The following FOXO3 variants were observed in gnomAD, a reference collection of about 807,000 sequenced individuals.
FOXO3 encodes the protein forkhead box O3.
Under a neutral mutation model 41.9 loss-of-function variants are expected in FOXO3, and 4 were observed. The observed-to-expected ratio is 0.10, with a 90% CI of 0.05 to 0.22. The LOEUF (loss-of-function observed/expected upper bound fraction) is 0.22, where lower values mean the gene tolerates loss of function less well. Among genes scored for constraint, FOXO3 ranks in the 10% least tolerant of loss-of-function variants. FOXO3 has a pLI of 1.00. For synonymous variants in FOXO3, 318 were observed against 389.3 expected, an observed-to-expected ratio of 0.82 and a Z score of 2.16; for missense variants, 534 against 906.8, an observed-to-expected ratio of 0.59 and a Z score of 5.28.
At position 108,664,071 on chromosome 6, in the gene FOXO3, G is replaced by T; in HGVS notation, c.1238G>T (p.Ser413Ile). 1.9e-6 allele frequency: 3 copies of T among 1,614,160 alleles called. No homozygotes were observed. Among genetic ancestry groups the T allele is most frequent in the Non-Finnish European group, 2.5e-6 (3 of 1,180,032 alleles). The change falls in exon 2 of 3, where the codon AGC becomes ATC. Residue 413 changes from serine to isoleucine, a missense_variant. Transcript: ENST00000406360. ...PTGGLMQRSS[S>I]FPYTTKGSGL... ...GGGGGACTCATGCAGCGGAGCTCTA[G>T]CTTCCCGTATACCACCAAGGGCTCG...
At chr6:108,560,875 C>T (rs1162112813), upstream of FOXO3, 4 of 929,360 alleles carry the variant, frequency 4.3e-6, no homozygotes, top group African/African-American at 1.7e-5. Flanking sequence ...CGCGCGAGGC[C>T]GTCGATTCGC....
chr6:108,680,707 T>G lies in FOXO3; in HGVS notation c.*915T>G, dbSNP rs924352230. ...GAAATCAGCTCAGCTCTCCACTCAT[T>G]GCCAAATGTCACTAAAGGGTTTAGT... On this transcript the variant is annotated 3_prime_UTR_variant, in exon 3 of 3. Coordinates refer to ENST00000406360, the MANE Select transcript of FOXO3 (RefSeq NM_001455.4). 1 of 150,402 alleles carries G rather than the reference T, an allele frequency of 6.6e-6. No homozygotes were observed. Among genetic ancestry groups the G allele is most frequent in the Non-Finnish European group, 1.5e-5 (1 of 67,734 alleles). The allele number at this position is 150,402 out of a possible 1,614,324, so 9.3% of individuals were successfully genotyped here.
intron 2 of FOXO3, among the ~76,000 whole-genome samples, chr6:108,675,522 G>A (rs1770551014): frequency 6.6e-6 from 1 of 152,216 alleles, no homozygotes; most frequent in Non-Finnish European, 1.5e-5. Context: ...GAGTCCATGT[G>A]AGACTTCCTT....
intron 2 of FOXO3, among the ~76,000 whole-genome samples, chr6:108,672,510 G>T (rs1490447579): frequency 1.3e-5 from 2 of 152,206 alleles, no homozygotes; most frequent in Non-Finnish European, 2.9e-5. Context: ...CTCAGTAATA[G>T]ATGTGGACCT....
At chr6:108,568,213 CTCT>C (rs1258256351) in intron 1 of FOXO3, among the ~76,000 whole-genome samples, 3 of 148,084 alleles carry the variant, frequency 2.0e-5, no homozygotes, top group Non-Finnish European at 3.0e-5. Context: ...CCCTCTCTCT[CTCT>C]TTTTTTTTTT....
At chr6:108,653,509 G>A (rs976923113) in intron 1 of FOXO3, among the ~76,000 whole-genome samples, 1 of 152,148 alleles carries the variant, frequency 6.6e-6, no homozygotes, top group Non-Finnish European at 1.5e-5. Flanking sequence ...GAGCTGATTG[G>A]ATTCAGGTGT....
chr6:108,660,711 A>G (rs926818987), intron 1 of FOXO3, among the ~76,000 whole-genome samples: 1 of 151,876 alleles, frequency 6.6e-6, no homozygotes, highest in Non-Finnish European at 1.5e-5. Context: ...TCTCTAGTTA[A>G]AATACAAAAA....
At chr6:108,595,247 T>C (rs1248295962) in intron 1 of FOXO3, among the ~76,000 whole-genome samples, 3 of 152,208 alleles carry the variant, frequency 2.0e-5, no homozygotes, top group Non-Finnish European at 4.4e-5. Flanking sequence ...TAGGTAGTGA[T>C]GTGGAATGCA....
At chr6:108,560,737 C>T (rs911713195), upstream of FOXO3, 3 of 233,414 alleles carry the variant, frequency 1.3e-5, no homozygotes, top group African/African-American at 6.8e-5. Context: ...TCGGCTGCGC[C>T]AGCTCCGGCC....
chr6:108,591,054 G>T (rs1315393548), intron 1 of FOXO3, among the ~76,000 whole-genome samples: 2 of 152,210 alleles, frequency 1.3e-5, no homozygotes, highest in Non-Finnish European at 2.9e-5. Flanking sequence ...GTTGCTGCCT[G>T]CCCTTGTGAC....
intron 1 of FOXO3, among the ~76,000 whole-genome samples, chr6:108,662,034 C>T (rs528788816): frequency 1.8e-3 from 276 of 152,190 alleles, no homozygotes; most frequent in Non-Finnish European, 3.1e-3. Flanking sequence ...TTACTTTCTT[C>T]AGATTTCTTT....
intron 1 of FOXO3, among the ~76,000 whole-genome samples, chr6:108,611,279 T>C (rs1234232751): frequency 6.6e-6 from 1 of 152,210 alleles, no homozygotes; most frequent in Admixed American, 6.5e-5. Context: ...GATAGACATT[T>C]GGGTTGTTTC....
chr6:108,645,974 T>C (rs1252966271), intron 1 of FOXO3, among the ~76,000 whole-genome samples: 1 of 152,194 alleles, frequency 6.6e-6, no homozygotes, highest in African/African-American at 2.4e-5. Context: ...GTTTGGCTAA[T>C]GGAAAACAAA....
intron 1 of FOXO3, among the ~76,000 whole-genome samples, chr6:108,602,691 AT>A (rs1209857847): frequency 7.9e-5 from 12 of 151,980 alleles, no homozygotes; most frequent in Admixed American, 4.6e-4. Context: ...AACAAAGGTT[AT>A]TTTTTTATAA....
intron 1 of FOXO3, among the ~76,000 whole-genome samples, chr6:108,577,581 G>A (rs1284529365): frequency 6.6e-6 from 1 of 152,170 alleles, no homozygotes; most frequent in East Asian, 1.9e-4. Flanking sequence ...CAGTGCCTAG[G>A]TACCATCCTA....
chr6:108,566,995 A>G (rs1335361389), intron 1 of FOXO3, among the ~76,000 whole-genome samples: 1 of 152,240 alleles, frequency 6.6e-6, no homozygotes, highest in African/African-American at 2.4e-5. Context: ...AGCATTTGCC[A>G]GGACTTAGGG....
chr6:108,626,414 C>T (rs980821085), intron 1 of FOXO3, among the ~76,000 whole-genome samples: 7 of 152,162 alleles, frequency 4.6e-5, no homozygotes, highest in South Asian at 2.1e-4. Context: ...TACCTTGAGG[C>T]AATCCTCATT....
chr6:108,594,958 C>T (rs1231397099), intron 1 of FOXO3, among the ~76,000 whole-genome samples: 1 of 152,178 alleles, frequency 6.6e-6, no homozygotes, highest in African/African-American at 2.4e-5. Flanking sequence ...ACCTACGTGT[C>T]AGGGACAATG....
intron 1 of FOXO3, among the ~76,000 whole-genome samples, chr6:108,631,681 A>G (rs1777980979): frequency 6.6e-6 from 1 of 151,942 alleles, no homozygotes; most frequent in Admixed American, 6.6e-5. Flanking sequence ...TGTATACTTC[A>G]GTGTGCACAG....
Sources: gnomAD v4.1 joint callset for allele counts (sites outside exome capture counted in the v4.1 genomes callset) on GRCh38, gnomAD v4.1.1 for gene constraint, MANE v1.5 for transcripts, NCBI Gene and HGNC (gene_info 2026-07-23, HGNC 2026-07-21) for gene names.